EPHA5: variants seen among roughly 807,000 people sequenced by gnomAD.
EPHA5 encodes EPH receptor A5.
Under a neutral mutation model 105.0 loss-of-function variants are expected in EPHA5, and 60 were observed. The ratio of observed to expected loss-of-function variants is 0.57; its 90% CI spans 0.46 to 0.71. EPHA5 has a LOEUF of 0.71. Among genes scored for constraint, EPHA5 ranks in the 30% least tolerant of loss-of-function variants. EPHA5 has a pLI of 0.00. For synonymous variants in EPHA5, 513 were observed against 449.1 expected (o/e 1.14, Z -1.80); for missense variants, 1,218 against 1,274.7 (o/e 0.96, Z 0.68).
intron 3 of EPHA5, among the ~76,000 whole-genome samples, chr4:65,584,602 A>C (rs1741939642): frequency 6.6e-6 from 1 of 151,970 alleles, no homozygotes; most frequent in African/African-American, 2.4e-5. Flanking sequence ...AATACCTATT[A>C]GAAAAGTGTC....
intron 16 of EPHA5, among the ~76,000 whole-genome samples, chr4:65,325,291 T>C (rs980253528): frequency 4.6e-5 from 7 of 151,410 alleles, no homozygotes; most frequent in Non-Finnish European, 8.9e-5. Flanking sequence ...GTTTTAATTG[T>C]TCTTTGAATT....
At chr4:65,397,778 A>G (rs975649550) in intron 8 of EPHA5, among the ~76,000 whole-genome samples, 11 of 152,186 alleles carry the variant, frequency 7.2e-5, no homozygotes, top group Non-Finnish European at 1.3e-4. Flanking sequence ...GGACCCTTAG[A>G]TAGGCCTCTG....
At chr4:65,324,367 G>A in intron 16 of EPHA5, 148 bp from the exon 17 acceptor site, 1 of 532,160 alleles carries the variant, frequency 1.9e-6, no homozygotes. Context: ...TTAAAGGTTA[G>A]GCTCTAAAAT....
chr4:65,448,652 A>T (rs760292830), intron 5 of EPHA5, among the ~76,000 whole-genome samples: 1 of 152,160 alleles, frequency 6.6e-6, no homozygotes, highest in African/African-American at 2.4e-5. Flanking sequence ...CATCTCGAAA[A>T]CATAGAAACA....
chr4:65,433,623 G>A (rs753158493), intron 5 of EPHA5, among the ~76,000 whole-genome samples: 5 of 152,078 alleles, frequency 3.3e-5, no homozygotes, highest in South Asian at 2.1e-4. Flanking sequence ...ATTATCTTAC[G>A]GTTCTAGAGG....
chr4:65,631,532 T>A (rs1746629962), intron 2 of EPHA5, among the ~76,000 whole-genome samples: 1 of 152,024 alleles, frequency 6.6e-6, no homozygotes. Context: ...TAAAAAAGCT[T>A]TTTAGTAACT....
intron 11 of EPHA5, among the ~76,000 whole-genome samples, chr4:65,356,990 A>G (rs907510617): frequency 4.6e-5 from 7 of 151,570 alleles, no homozygotes; most frequent in African/African-American, 1.7e-4. Flanking sequence ...CCATATAAAA[A>G]TAACTCATAA....
At chr4:65,462,610 C>A (rs1407599842) in intron 5 of EPHA5, among the ~76,000 whole-genome samples, 1 of 152,158 alleles carries the variant, frequency 6.6e-6, no homozygotes, top group African/African-American at 2.4e-5. Context: ...AGGGCACTCC[C>A]TCTCTCCACA....
chr4:65,476,249 G>T (rs893402534), intron 5 of EPHA5, among the ~76,000 whole-genome samples: 3 of 151,858 alleles, frequency 2.0e-5, no homozygotes, highest in Admixed American at 6.6e-5. Context: ...GTAACAAACA[G>T]ACAGGTAATT....
intron 2 of EPHA5, among the ~76,000 whole-genome samples, chr4:65,619,961 T>A (rs1414491955): frequency 6.6e-6 from 1 of 151,128 alleles, no homozygotes; most frequent in African/African-American, 2.4e-5. Context: ...TTTTCATCCC[T>A]ATGCTCAATT....
At chr4:65,569,358 C>G (rs549860800) in intron 3 of EPHA5, among the ~76,000 whole-genome samples, 1 of 151,492 alleles carries the variant, frequency 6.6e-6, no homozygotes, top group East Asian at 1.9e-4. Flanking sequence ...AATGTTTAAA[C>G]TTAAGAGGAA....
intron 3 of EPHA5, among the ~76,000 whole-genome samples, chr4:65,593,803 G>C (rs1742912498): frequency 6.6e-6 from 1 of 152,208 alleles, no homozygotes; most frequent in East Asian, 1.9e-4. Flanking sequence ...CCGTTAATCT[G>C]CTACGCACAC....
At chr4:65,567,399 G>A (rs1022391099) in intron 3 of EPHA5, among the ~76,000 whole-genome samples, 1 of 151,494 alleles carries the variant, frequency 6.6e-6, no homozygotes, top group African/African-American at 2.4e-5. Context: ...CATATACTAT[G>A]TACTGGTGAC....
At chr4:65,664,303 A>G (rs1309949937) in intron 1 of EPHA5, among the ~76,000 whole-genome samples, 3 of 151,896 alleles carry the variant, frequency 2.0e-5, no homozygotes, top group African/African-American at 4.8e-5. Context: ...CATGCCTTCA[A>G]AAATTGTTAT....
At chr4:65,370,901 T>C (rs920606981) in intron 8 of EPHA5, among the ~76,000 whole-genome samples, 1 of 152,052 alleles carries the variant, frequency 6.6e-6, no homozygotes, top group African/African-American at 2.4e-5. Flanking sequence ...CAAGTAAAAG[T>C]GCAGCTAGCA....
At chr4:65,564,976 A>C (rs2149363342) in intron 3 of EPHA5, among the ~76,000 whole-genome samples, 1 of 151,838 alleles carries the variant, frequency 6.6e-6, no homozygotes, top group African/African-American at 2.4e-5. Flanking sequence ...AGTAGTCTAT[A>C]ATTTCCACTT....
intron 16 of EPHA5, among the ~76,000 whole-genome samples, chr4:65,330,343 GA>G (rs66552706): frequency 0.089 from 13,285 of 149,934 alleles, 697 homozygotes; most frequent in Admixed American, 0.14. Flanking sequence ...GAAAGAAATA[GA>G]AAAAAAAGGA....
chr4:65,440,758 G>A (rs1047051707), intron 5 of EPHA5, among the ~76,000 whole-genome samples: 3 of 152,002 alleles, frequency 2.0e-5, no homozygotes, highest in Non-Finnish European at 4.4e-5. Flanking sequence ...TGATGTCTGG[G>A]AAAAGGGAGA....
rs79744132 is a variant in EPHA5, at chr4:65,511,348, G to A, written c.911-15805C>T. 4.6e-3 allele frequency among the ~76,000 whole-genome samples: 703 copies of A among 152,222 alleles called. 8 individuals carry two copies. The highest frequency in any genetic ancestry group is 0.016 in the African/African-American group (660 of 41,548). On this transcript the variant is annotated intron_variant, in intron 3 of 16. Transcript: ENST00000613740. Reference sequence around the variant, plus strand: ...AATATGTTAAGAACACTTTCTAGGCGTGGACTAACTGATCTGTAGTGTTTA... The same window carrying A: ...AATATGTTAAGAACACTTTCTAGGCATGGACTAACTGATCTGTAGTGTTTA...
Sources: gnomAD v4.1 joint callset for allele counts (sites outside exome capture counted in the v4.1 genomes callset) on GRCh38, gnomAD v4.1.1 for gene constraint, MANE v1.5 for transcripts, NCBI Gene and HGNC (gene_info 2026-07-23, HGNC 2026-07-21) for gene names.